ARID4B: variants seen among roughly 807,000 people sequenced by gnomAD.
The protein encoded by ARID4B is AT-rich interactive domain-containing protein 4B.
In ARID4B, 26 loss-of-function variants were observed where a neutral mutation model predicts 147.5. That is an observed-to-expected ratio of 0.18 (90% confidence interval 0.13 to 0.24). The LOEUF is 0.24. Ranked by LOEUF, ARID4B falls within the 10% of genes least tolerant of loss-of-function variation. The pLI is 1.00. For missense variants in ARID4B, 1,179 were observed against 1,511.5 expected (o/e 0.78, Z 3.65); for synonymous variants, 512 against 507.9 (o/e 1.01, Z -0.11).
intron 9 of ARID4B, among the ~76,000 whole-genome samples, chr1:235,232,479 C>G (rs988125957): frequency 1.6e-4 from 24 of 150,966 alleles, no homozygotes; most frequent in African/African-American, 5.8e-4. Flanking sequence ...CAGTGGCTGA[C>G]AACTGTAATC....
chr1:235,238,750 G>A (rs1668785557), intron 8 of ARID4B, among the ~76,000 whole-genome samples: 1 of 152,042 alleles, frequency 6.6e-6, no homozygotes, highest in African/African-American at 2.4e-5. Flanking sequence ...GAGCTACTCA[G>A]GAGGCTGAGG....
intron 2 of ARID4B, among the ~76,000 whole-genome samples, chr1:235,306,821 A>G (rs1268768357): frequency 6.6e-6 from 1 of 151,978 alleles, no homozygotes; most frequent in Non-Finnish European, 1.5e-5. Flanking sequence ...ACACCCGGCT[A>G]ATTTTTTTGT....
intron 17 of ARID4B, among the ~76,000 whole-genome samples, chr1:235,205,727 C>A (rs1666265179): frequency 6.6e-6 from 1 of 152,156 alleles, no homozygotes; most frequent in Non-Finnish European, 1.5e-5. Context: ...AAGGGACGTT[C>A]CTCTAAAGAA....
At chr1:235,173,482 T>A (rs1191475494) in intron 22 of ARID4B, among the ~76,000 whole-genome samples, 1 of 151,942 alleles carries the variant, frequency 6.6e-6, no homozygotes, top group East Asian at 1.9e-4. Flanking sequence ...TAGGTTTTTT[T>A]AAAGAGTGTG....
At chr1:235,231,333 G>A (rs950338895) in intron 9 of ARID4B, 144 bp from the exon 10 acceptor site, 1 of 532,968 alleles carries the variant, frequency 1.9e-6, no homozygotes, top group Non-Finnish European at 3.3e-6. Flanking sequence ...ATTGCACACA[G>A]AGTAGCAAGT....
At chr1:235,316,478 C>T (rs1674441369) in intron 2 of ARID4B, among the ~76,000 whole-genome samples, 1 of 152,000 alleles carries the variant, frequency 6.6e-6, no homozygotes, top group Non-Finnish European at 1.5e-5. Context: ...TACTGCACTC[C>T]AGCCTGGGCG....
At chr1:235,230,616 AC>A (rs754077495) in intron 10 of ARID4B, among the ~76,000 whole-genome samples, 1,969 of 75,758 alleles carry the variant, frequency 0.026, 76 homozygotes, top group South Asian at 0.062. Flanking sequence ...AAAAAAAAAA[AC>A]CAGAAAAAAA....
chr1:235,230,616 ACC>A (rs112227257), intron 10 of ARID4B, among the ~76,000 whole-genome samples: 1,750 of 74,944 alleles, frequency 0.023, 17 homozygotes, highest in African/African-American at 0.032. Flanking sequence ...AAAAAAAAAA[ACC>A]AGAAAAAAAA....
intron 1 of ARID4B, 26 bp from the exon 2 acceptor site, chr1:235,326,994 G>A: frequency 1.3e-6 from 2 of 1,490,662 alleles, no homozygotes; most frequent in South Asian, 1.1e-5. Context: ...AAGACACCCA[G>A]TCAACACCAC....
At chr1:235,233,925 A>G (rs1007500546) in intron 9 of ARID4B, among the ~76,000 whole-genome samples, 11 of 152,192 alleles carry the variant, frequency 7.2e-5, no homozygotes, top group African/African-American at 2.7e-4. Flanking sequence ...TTAAAAATAT[A>G]AAAATTAGCT....
intron 6 of ARID4B, among the ~76,000 whole-genome samples, chr1:235,249,549 A>C (rs1669508519): frequency 6.7e-6 from 1 of 149,476 alleles, no homozygotes; most frequent in Admixed American, 6.6e-5. Context: ...TAATCTCAGC[A>C]CTTTGGGAGG....
intron 2 of ARID4B, among the ~76,000 whole-genome samples, chr1:235,325,982 C>G (rs1558318229): frequency 6.6e-6 from 1 of 152,096 alleles, no homozygotes; most frequent in Admixed American, 6.5e-5. Flanking sequence ...AAGTAGACAA[C>G]GTTGATATTC....
chr1:235,312,872 C>T (rs1306221084), intron 2 of ARID4B, among the ~76,000 whole-genome samples: 1 of 152,122 alleles, frequency 6.6e-6, no homozygotes, highest in South Asian at 2.1e-4. Context: ...ACTCAGGAGG[C>T]TGAGGCACAA....
intron 2 of ARID4B, among the ~76,000 whole-genome samples, chr1:235,326,209 T>C (rs2103322760): frequency 6.6e-6 from 1 of 152,276 alleles, no homozygotes; most frequent in South Asian, 2.1e-4. Context: ...AATACCTGTA[T>C]TTTTATCGTT....
chr1:235,236,863 T>TATATATATATATATA (rs1491159347), intron 8 of ARID4B, among the ~76,000 whole-genome samples: 6 of 17,910 alleles, frequency 3.4e-4, no homozygotes, highest in East Asian at 5.6e-3. Flanking sequence ...TATATATATA[T>TATATATATATATATA]TTTTTTTTTT....
rs184540029 is a variant in ARID4B, at chr1:235,284,505, A to T, written c.7-23753T>A. Among the ~76,000 whole-genome samples, 454 of 152,324 alleles carry T rather than the reference A, an allele frequency of 3.0e-3. 1 individual carries two copies. Among genetic ancestry groups the T allele is most frequent in the Non-Finnish European group, 4.4e-3 (296 of 68,028 alleles). On this transcript the variant is annotated intron_variant, in intron 2 of 23. Coordinates refer to ENST00000264183, the MANE Select transcript of ARID4B (RefSeq NM_016374.6). ...TCTATTACAAGTGATCTTTAAAACC[A>T]TAATGTGATTATGACCTAGTATTTC... is the stretch of plus-strand genomic sequence containing the variant.
chr1:235,246,205 G>A (rs564458999), intron 7 of ARID4B, among the ~76,000 whole-genome samples: 140 of 152,304 alleles, frequency 9.2e-4, no homozygotes, highest in African/African-American at 3.2e-3. Context: ...TAACATGCAG[G>A]GAGAAATTGA....
At chr1:235,196,714 G>A (rs940916940) in intron 17 of ARID4B, among the ~76,000 whole-genome samples, 5 of 151,952 alleles carry the variant, frequency 3.3e-5, no homozygotes, top group Admixed American at 1.3e-4. Flanking sequence ...TTAGCCAGAC[G>A]TGGTGGTGGG....
chr1:235,181,042 G>A, intron 20 of ARID4B: 12 of 887,768 alleles, frequency 1.4e-5, no homozygotes, highest in Non-Finnish European at 1.6e-5. Flanking sequence ...ATGCATCTAA[G>A]AAAGCATCAA....
Sources: gnomAD v4.1 joint callset for allele counts (sites outside exome capture counted in the v4.1 genomes callset) on GRCh38, gnomAD v4.1.1 for gene constraint, MANE v1.5 for transcripts, NCBI Gene and HGNC (gene_info 2026-07-23, HGNC 2026-07-21) for gene names.